Variants in RPS6KC1 observed in about 807,000 individuals in gnomAD.
The protein encoded by RPS6KC1 is inactive ribosomal protein S6 kinase delta-1.
RPS6KC1 carries 54 observed loss-of-function variants against 103.8 expected under a neutral mutation model. That is an observed-to-expected ratio of 0.52 (90% CI 0.42 to 0.65). The LOEUF (loss-of-function observed/expected upper bound fraction) is 0.65, where lower values mean the gene tolerates loss of function less well. Among genes scored for constraint, RPS6KC1 ranks in the 30% least tolerant of loss-of-function variants. The pLI is 0.00. For synonymous variants in RPS6KC1, 439 were observed against 438.7 expected (o/e 1.00, Z -0.01); for missense variants, 1,151 against 1,253.8 (o/e 0.92, Z 1.24).
intron 2 of RPS6KC1, among the ~76,000 whole-genome samples, chr1:213,074,057 G>A (rs2079100280): frequency 6.6e-6 from 1 of 152,196 alleles, no homozygotes; most frequent in Admixed American, 6.5e-5. Context: ...AGCAAATAGT[G>A]TGGTAGTGAT....
chr1:213,054,473 A>C (rs1182085200), intron 1 of RPS6KC1, among the ~76,000 whole-genome samples: 1 of 152,218 alleles, frequency 6.6e-6, no homozygotes, highest in African/African-American at 2.4e-5. Context: ...TTTCAGGATA[A>C]TTAACCAGGT....
At chr1:213,752,829 C>T in the RPS6KC1 span, among the ~76,000 whole-genome samples, 1 of 152,170 alleles carries the variant, frequency 6.6e-6, no homozygotes, top group Non-Finnish European at 1.5e-5. Context: ...GGTCTTCCAC[C>T]TCCAATCTGT....
the RPS6KC1 span, among the ~76,000 whole-genome samples, chr1:213,629,410 G>T: frequency 6.6e-6 from 1 of 151,978 alleles, no homozygotes; most frequent in African/African-American, 2.4e-5. Flanking sequence ...TGCAACCCCT[G>T]CCTTTTTTTG....
chr1:213,619,175 A>G, the RPS6KC1 span, among the ~76,000 whole-genome samples: 17 of 152,220 alleles, frequency 1.1e-4, no homozygotes, highest in Non-Finnish European at 5.9e-5. Flanking sequence ...TCACTCTGCC[A>G]TCCTCACTCA....
At position 213,129,643 on chromosome 1, in the gene RPS6KC1, C is replaced by G; in HGVS notation, c.589C>G (p.Leu197Val). ...TCCCATTAGAACTTTTGGTCTCAATCTTTCTTCGGATTCTTCAGCACTAGG... is the reference window on the plus strand; with the variant it reads ...TCCCATTAGAACTTTTGGTCTCAATGTTTCTTCGGATTCTTCAGCACTAGG... ...NSPIRTFGLN[L>V]SSDSSALGAV... Residue 197 changes from leucine (L) to valine (V), a missense_variant, in exon 6 of 15, where the codon CTT becomes GTT. Coordinates refer to ENST00000366960, the MANE Select transcript of RPS6KC1 (RefSeq NM_012424.6). 1 of 1,614,038 alleles carries G rather than the reference C, an allele frequency of 6.2e-7. No homozygotes were observed. Among genetic ancestry groups the G allele is most frequent in the Non-Finnish European group, 8.5e-7 (1 of 1,179,962 alleles).
chr1:213,304,299 C>G, the RPS6KC1 span, among the ~76,000 whole-genome samples: 2 of 151,558 alleles, frequency 1.3e-5, no homozygotes, highest in African/African-American at 4.8e-5. Context: ...ATCACTGAAG[C>G]CTCATTACAA....
At chr1:213,141,467 G>A (rs1261886581) in intron 6 of RPS6KC1, among the ~76,000 whole-genome samples, 1 of 151,796 alleles carries the variant, frequency 6.6e-6, no homozygotes, top group Non-Finnish European at 1.5e-5. Context: ...TTTTTGTGGG[G>A]TCAGTAGTAA....
At chr1:213,232,039 G>C in intron 9 of RPS6KC1, 84 bp from the exon 10 acceptor site, 2 of 1,540,258 alleles carry the variant, frequency 1.3e-6, no homozygotes, top group East Asian at 2.4e-5. Context: ...GATTAGTTTG[G>C]TTGATAAACA....
the RPS6KC1 span, among the ~76,000 whole-genome samples, chr1:213,305,096 C>CT: frequency 5.9e-5 from 9 of 151,722 alleles, no homozygotes; most frequent in South Asian, 2.1e-4. Context: ...CATGCAAAAT[C>CT]TTTTTTTTGA....
At chr1:213,551,825 A>G in the RPS6KC1 span, among the ~76,000 whole-genome samples, 2 of 152,174 alleles carry the variant, frequency 1.3e-5, no homozygotes, top group Non-Finnish European at 2.9e-5. Context: ...GACTATTTTC[A>G]TTGCTCAAAA....
At chr1:213,589,975 G>A in the RPS6KC1 span, among the ~76,000 whole-genome samples, 1 of 150,152 alleles carries the variant, frequency 6.7e-6, no homozygotes, top group Non-Finnish European at 1.5e-5. Context: ...GTGTGTGTGT[G>A]TGTGTGTCTG....
chr1:213,384,283 A>AAAATAT, the RPS6KC1 span, among the ~76,000 whole-genome samples: 58 of 145,204 alleles, frequency 4.0e-4, no homozygotes, highest in African/African-American at 1.6e-3. Flanking sequence ...CTCAAAAAAA[A>AAAATAT]ATATATATAT....
chr1:213,651,532 G>A, the RPS6KC1 span, among the ~76,000 whole-genome samples: 2 of 152,108 alleles, frequency 1.3e-5, no homozygotes, highest in African/African-American at 4.8e-5. Context: ...CTATTCTGAT[G>A]GCTCAATATT....
intron 10 of RPS6KC1, among the ~76,000 whole-genome samples, chr1:213,236,174 C>T (rs532690209): frequency 6.6e-6 from 1 of 152,156 alleles, no homozygotes; most frequent in Non-Finnish European, 1.5e-5. Flanking sequence ...CACCCCAAAA[C>T]ACTTTCTACC....
chr1:213,510,464 A>G, the RPS6KC1 span, among the ~76,000 whole-genome samples: 5 of 152,252 alleles, frequency 3.3e-5, no homozygotes, highest in Admixed American at 1.3e-4. Flanking sequence ...ATACCCCCTA[A>G]CTTCATATTG....
At chr1:213,192,928 C>T (rs1036117140) in intron 8 of RPS6KC1, among the ~76,000 whole-genome samples, 3 of 151,894 alleles carry the variant, frequency 2.0e-5, no homozygotes, top group African/African-American at 7.3e-5. Flanking sequence ...CAGTTTTTTT[C>T]CTCAGTTTCT....
chr1:213,130,858 A>G (rs1202433184), intron 6 of RPS6KC1, among the ~76,000 whole-genome samples: 1 of 151,618 alleles, frequency 6.6e-6, no homozygotes, highest in Non-Finnish European at 1.5e-5. Flanking sequence ...GAGTTTTACC[A>G]TGCCATGTAA....
chr1:213,137,248 G>A (rs949078766), intron 6 of RPS6KC1, among the ~76,000 whole-genome samples: 1 of 151,924 alleles, frequency 6.6e-6, no homozygotes, highest in African/African-American at 2.4e-5. Context: ...TTCCCCAGTA[G>A]GAAGGCTTTA....
chr1:213,560,161 A>T, the RPS6KC1 span, among the ~76,000 whole-genome samples: 18 of 152,320 alleles, frequency 1.2e-4, no homozygotes, highest in African/African-American at 4.1e-4. Context: ...TGATATACAC[A>T]TACCTTCTTC....
Sources: allele counts gnomAD v4.1 joint callset (sites outside exome capture counted in the v4.1 genomes callset), GRCh38; gene constraint gnomAD v4.1.1; transcripts MANE v1.5; gene names NCBI Gene and HGNC (gene_info 2026-07-23, HGNC 2026-07-21).